ARHGAP5: variants seen among roughly 807,000 people sequenced by gnomAD.
The protein encoded by ARHGAP5 is rho GTPase-activating protein 5.
Under a neutral mutation model 116.6 loss-of-function variants are expected in ARHGAP5, and 23 were observed. The ratio of observed to expected loss-of-function variants is 0.20; its 90% CI spans 0.14 to 0.28. The LOEUF is 0.28. Among genes scored for constraint, ARHGAP5 ranks in the 10% least tolerant of loss-of-function variants. The probability of loss-of-function intolerance (pLI) is 1.00; values close to 1 mark genes in which losing one functional copy is unlikely to be tolerated. For synonymous variants in ARHGAP5, 574 were observed against 602.0 expected (o/e 0.95, Z 0.68); for missense variants, 1,405 against 1,774.8 (o/e 0.79, Z 3.74).
At chr14:32,113,102 G>T (rs1232349149) in intron 2 of ARHGAP5, among the ~76,000 whole-genome samples, 1 of 152,150 alleles carries the variant, frequency 6.6e-6, no homozygotes, top group Non-Finnish European at 1.5e-5. Flanking sequence ...AAATCATTTT[G>T]AGTTGTTACA....
At chr14:32,096,066 C>A (rs970881183) in intron 2 of ARHGAP5, among the ~76,000 whole-genome samples, 4 of 151,670 alleles carry the variant, frequency 2.6e-5, no homozygotes, top group African/African-American at 9.7e-5. Flanking sequence ...TGCCAATTAT[C>A]TACATTTTGC....
chr14:32,095,409 T>G (rs1306713337), intron 2 of ARHGAP5, among the ~76,000 whole-genome samples: 3 of 150,028 alleles, frequency 2.0e-5, no homozygotes, highest in South Asian at 2.1e-4. Context: ...TTGTTTTTTT[T>G]TTTTTTGTTT....
intron 3 of ARHGAP5, among the ~76,000 whole-genome samples, 178 bp downstream of exon 3, chr14:32,117,465 G>A (rs1879661088): frequency 6.6e-6 from 1 of 152,162 alleles, no homozygotes; most frequent in African/African-American, 2.4e-5. Context: ...TTGTTGACCA[G>A]TAATGCTTTT....
rs142596505 is a variant in ARHGAP5, at chr14:32,103,192, T to C, written c.3717+8806T>C. 3.3e-3 allele frequency among the ~76,000 whole-genome samples: 496 copies of C among 152,368 alleles called. 2 individuals are homozygous for C. The highest frequency in any genetic ancestry group is 0.011 in the African/African-American group (470 of 41,586). On this transcript the variant is annotated intron_variant, in intron 2 of 6. Coordinates refer to ENST00000345122, the MANE Select transcript of ARHGAP5 (RefSeq NM_001030055.2). Reference sequence around the variant, plus strand: ...GCATTTTTGGTGCTGGCTACACCAATTTATGATAACATAAGTGTGGATATG... The same window carrying C: ...GCATTTTTGGTGCTGGCTACACCAACTTATGATAACATAAGTGTGGATATG...
chr14:32,105,507 A>G (rs1456784695), intron 2 of ARHGAP5, among the ~76,000 whole-genome samples: 1 of 151,952 alleles, frequency 6.6e-6, no homozygotes. Flanking sequence ...GAGAGACCCC[A>G]TGTGCTCTTT....
chr14:32,131,915 C>A (rs1880519220), intron 3 of ARHGAP5, among the ~76,000 whole-genome samples: 1 of 152,208 alleles, frequency 6.6e-6, no homozygotes, highest in Admixed American at 6.5e-5. Context: ...GACATGAACT[C>A]ATCATTTTTT....
At chr14:32,154,402 G>C (rs1881798134) in intron 6 of ARHGAP5, 1 of 465,538 alleles carries the variant, frequency 2.1e-6, no homozygotes, top group African/African-American at 2.0e-5. Flanking sequence ...GCCTGCCTCA[G>C]CCTCCCAAAG....
intron 2 of ARHGAP5, among the ~76,000 whole-genome samples, chr14:32,111,223 C>T (rs1566669345): frequency 6.6e-6 from 1 of 152,130 alleles, no homozygotes; most frequent in East Asian, 1.9e-4. Context: ...ATAATCGTGC[C>T]ACTGCACTAC....
chr14:32,143,856 G>A (rs117165982), intron 3 of ARHGAP5, among the ~76,000 whole-genome samples: 3,219 of 152,246 alleles, frequency 0.021, 48 homozygotes, highest in Non-Finnish European at 0.034. Flanking sequence ...TGACATTTGA[G>A]GCTATTTAAT....
At position 32,133,968 on chromosome 14, in the gene ARHGAP5, T is replaced by G. The variant is rs925229111; in HGVS notation, c.3866-12295T>G. On this transcript the variant is annotated intron_variant, in intron 3 of 6. Coordinates refer to ENST00000345122, the MANE Select transcript of ARHGAP5 (RefSeq NM_001030055.2). ...AAAGAGGGAATCCTCCCTAACTCAT[T>G]TTATGAGGCCAGCTTCATCCCGATA... Among the ~76,000 whole-genome samples, 3 of 152,276 alleles carry G rather than the reference T, an allele frequency of 2.0e-5. No individual in the cohort carries two copies. The East Asian group carries it at 5.8e-4, about 29-fold the overall frequency.
intron 1 of ARHGAP5, among the ~76,000 whole-genome samples, chr14:32,087,509 A>G (rs2041842323): frequency 8.0e-6 from 1 of 124,756 alleles, no homozygotes; most frequent in Admixed American, 1.0e-4. Context: ...TTTTCAAACC[A>G]AAGCCTCTTG....
chr14:32,125,930 T>A (rs771492381), intron 3 of ARHGAP5, among the ~76,000 whole-genome samples: 2 of 152,202 alleles, frequency 1.3e-5, no homozygotes, highest in Non-Finnish European at 2.9e-5. Context: ...TTTATGGTGG[T>A]GTGTAGAACT....
chr14:32,123,552 T>A (rs1351763087), intron 3 of ARHGAP5, among the ~76,000 whole-genome samples: 1 of 151,968 alleles, frequency 6.6e-6, no homozygotes, highest in African/African-American at 2.4e-5. Flanking sequence ...CTTTCTGTTG[T>A]TTTTGTTGTT....
chr14:32,094,094 CAA>C lies in ARHGAP5; in HGVS notation c.3429_3430del (p.His1145TrpfsTer11). On this transcript the variant is annotated frameshift_variant, in exon 2 of 7. Coordinates refer to ENST00000345122, the MANE Select transcript of ARHGAP5 (RefSeq NM_001030055.2). LOFTEE classifies it high-confidence loss of function. ...GAAAATGGGTTTTCTGATAGAACCTCAAAAAGTCATGGGGAACGGAGGCCTTC... is the reference window on the plus strand; with the variant it reads ...GAAAATGGGTTTTCTGATAGAACCTCAAAGTCATGGGGAACGGAGGCCTTC... The C allele has an allele frequency of 6.2e-7, 1 of 1,614,014 alleles. No individual in the cohort carries two copies. Among genetic ancestry groups the C allele is most frequent in the Non-Finnish European group, 8.5e-7 (1 of 1,179,960 alleles).
At chr14:32,151,312 TAAGG>T (rs898381493) in intron 5 of ARHGAP5, among the ~76,000 whole-genome samples, 3 of 152,206 alleles carry the variant, frequency 2.0e-5, no homozygotes, top group Non-Finnish European at 4.4e-5. Context: ...GTCTCCAAAA[TAAGG>T]AAGAGGTGGA....
rs1878338208 is a variant in ARHGAP5, at chr14:32,092,937, A to G, written c.2268A>G (p.Ser756=). The change falls in exon 2 of 7, where the codon TCA becomes TCG. Residue 756 remains serine, a synonymous_variant. Coordinates refer to ENST00000345122, the MANE Select transcript of ARHGAP5 (RefSeq NM_001030055.2). The surrounding 1 kb of genome is among the most constrained non-coding windows in gnomAD (Gnocchi z 4.1). ...IKQALRGVLE[S]VKHNLDVVSP... is the part of the protein sequence containing the mutation. ...AAGCTCTCAGAGGAGTATTGGAATC[A>G]GTTAAACACAATTTGGATGTGGTGA... The G allele has an allele frequency of 2.5e-6, 4 of 1,614,062 alleles. No individual in the cohort carries two copies. Among genetic ancestry groups the G allele is most frequent in the Non-Finnish European group, 1.7e-6 (2 of 1,179,940 alleles).
At chr14:32,103,654 A>G (rs1054941293) in intron 2 of ARHGAP5, among the ~76,000 whole-genome samples, 1 of 152,192 alleles carries the variant, frequency 6.6e-6, no homozygotes, top group Non-Finnish European at 1.5e-5. Context: ...CAATTTATGT[A>G]CACCAAAATT....
intron 3 of ARHGAP5, among the ~76,000 whole-genome samples, chr14:32,118,507 AG>A (rs1411079245): frequency 5.9e-5 from 9 of 151,966 alleles, no homozygotes; most frequent in East Asian, 3.9e-4. Flanking sequence ...AAAAAAAAAA[AG>A]AAAGAAGAAA....
chr14:32,082,578 C>G (rs1328901223), intron 1 of ARHGAP5, among the ~76,000 whole-genome samples: 1 of 151,944 alleles, frequency 6.6e-6, no homozygotes, highest in Non-Finnish European at 1.5e-5. Flanking sequence ...TGGGGTCTTG[C>G]TCTGTCACCC....
Sources: allele counts gnomAD v4.1 joint callset (sites outside exome capture counted in the v4.1 genomes callset), GRCh38; gene constraint gnomAD v4.1.1; non-coding constraint Gnocchi (gnomAD v3.1); transcripts MANE v1.5; gene names NCBI Gene and HGNC (gene_info 2026-07-23, HGNC 2026-07-21).